The following FANCC variants were observed in gnomAD, a reference collection of about 807,000 sequenced individuals.
FANCC encodes the protein FA complementation group C.
Under a neutral mutation model 71.3 loss-of-function variants are expected in FANCC, and 55 were observed. The ratio of observed to expected loss-of-function variants is 0.77; its 90% CI spans 0.62 to 0.97. FANCC has a LOEUF of 0.97. FANCC is among the 50% of genes least tolerant of loss of function. The pLI is 0.00. For missense variants in FANCC, 678 were observed against 670.9 expected, an observed-to-expected ratio of 1.01 and a Z score of -0.12; for synonymous variants, 275 against 244.9, an observed-to-expected ratio of 1.12 and a Z score of -1.15.
intron 8 of FANCC, among the ~76,000 whole-genome samples, chr9:95,133,064 C>T (rs148697813): frequency 1.1e-3 from 161 of 152,352 alleles, no homozygotes; most frequent in African/African-American, 3.7e-3. Flanking sequence ...TTAGAGATCT[C>T]TCTGATACTT....
chr9:95,314,912 A>C (rs1041007811), intron 1 of FANCC, among the ~76,000 whole-genome samples: 4 of 152,180 alleles, frequency 2.6e-5, no homozygotes, highest in African/African-American at 7.2e-5. Flanking sequence ...AATTCCTACA[A>C]AGTCTATCAC....
chr9:95,106,303 T>C (rs1337264039), intron 14 of FANCC, among the ~76,000 whole-genome samples: 13 of 152,232 alleles, frequency 8.5e-5, no homozygotes, highest in Admixed American at 7.8e-4. Context: ...CATTTTTGAA[T>C]TGGGTTGTTT....
At chr9:95,299,262 T>C (rs554502471) in intron 1 of FANCC, among the ~76,000 whole-genome samples, 6 of 152,216 alleles carry the variant, frequency 3.9e-5, no homozygotes, top group East Asian at 3.8e-4. Context: ...ATAAGAAAAC[T>C]TGAAATTTTT....
At chr9:95,174,923 T>C (rs1320219317) in intron 4 of FANCC, among the ~76,000 whole-genome samples, 9 of 152,106 alleles carry the variant, frequency 5.9e-5, no homozygotes, top group Non-Finnish European at 2.9e-5. Context: ...TCATAAAGTA[T>C]CTCACACATC....
chr9:95,196,843 G>T (rs1305377304), intron 4 of FANCC, among the ~76,000 whole-genome samples: 1 of 152,192 alleles, frequency 6.6e-6, no homozygotes, highest in Non-Finnish European at 1.5e-5. Context: ...TCCTAGTCCT[G>T]TGATGCTCCA....
intron 7 of FANCC, among the ~76,000 whole-genome samples, chr9:95,140,719 T>C (rs1037388189): frequency 1.3e-5 from 2 of 152,192 alleles, no homozygotes; most frequent in African/African-American, 4.8e-5. Flanking sequence ...TTAACTGTTA[T>C]GGAGAATTGC....
chr9:95,313,230 G>C (rs1460325147), intron 1 of FANCC, among the ~76,000 whole-genome samples: 1 of 152,238 alleles, frequency 6.6e-6, no homozygotes, highest in African/African-American at 2.4e-5. Flanking sequence ...CAGGGAGCTA[G>C]CGCTGGCAAA....
chr9:95,118,360 C>T (rs953025572), intron 10 of FANCC, among the ~76,000 whole-genome samples: 3 of 152,240 alleles, frequency 2.0e-5, no homozygotes, highest in Non-Finnish European at 2.9e-5. Flanking sequence ...TAAAACTGTG[C>T]TCGCATTTCG....
intron 4 of FANCC, among the ~76,000 whole-genome samples, chr9:95,192,871 C>G (rs1588257619): frequency 6.6e-6 from 1 of 152,174 alleles, no homozygotes; most frequent in South Asian, 2.1e-4. Flanking sequence ...TGGGAACAGG[C>G]AGAATTTCAA....
intron 1 of FANCC, among the ~76,000 whole-genome samples, chr9:95,316,315 ATCAAT>A (rs1338840434): frequency 6.6e-6 from 1 of 152,276 alleles, no homozygotes; most frequent in African/African-American, 2.4e-5. Context: ...ACATTGAAAC[ATCAAT>A]TCAAGTTTAA....
At chr9:95,219,363 T>C (rs1438498980) in intron 4 of FANCC, among the ~76,000 whole-genome samples, 2 of 152,144 alleles carry the variant, frequency 1.3e-5, no homozygotes, top group Admixed American at 1.3e-4. Context: ...CCAAGGAAGA[T>C]GTATATGCCA....
Position 95,154,245 on chromosome 9 carries a change from CAAAAAAAA to C in FANCC, c.522-4166_522-4159del, listed in dbSNP as rs58720791. ...AGGGTGACAGAGCAAGACTCCGTCT[CAAAAAAAA>C]AAAAAAAAAAAAAAAAAATTGTAGT... On this transcript the variant is annotated intron_variant, in intron 6 of 14. Coordinates refer to ENST00000289081, the MANE Select transcript of FANCC (RefSeq NM_000136.3). 4.2e-3 allele frequency among the ~76,000 whole-genome samples: 210 copies of C among 49,956 alleles called. 1 individual carries two copies. Among genetic ancestry groups the C allele is most frequent in the African/African-American group, 0.015 (194 of 12,990 alleles). 32.8% of individuals were successfully genotyped at this position (49,956 alleles called of 152,430 possible).
At chr9:95,129,365 G>T (rs574120682) in intron 8 of FANCC, among the ~76,000 whole-genome samples, 16 of 152,280 alleles carry the variant, frequency 1.1e-4, no homozygotes, top group Non-Finnish European at 7.4e-5. Flanking sequence ...TTCTTATCAA[G>T]ATAATCTTCC....
intron 4 of FANCC, among the ~76,000 whole-genome samples, chr9:95,207,870 G>T (rs1251323706): frequency 6.6e-6 from 1 of 152,146 alleles, no homozygotes; most frequent in African/African-American, 2.4e-5. Context: ...GTGAGTGTGT[G>T]TGTACGTGTG....
At chr9:95,296,141 A>G (rs1834358919) in intron 1 of FANCC, among the ~76,000 whole-genome samples, 1 of 152,212 alleles carries the variant, frequency 6.6e-6, no homozygotes, top group South Asian at 2.1e-4. Context: ...TATATCAATC[A>G]TATCTCAATA....
intron 1 of FANCC, chr9:95,292,532 G>T: frequency 6.7e-7 from 1 of 1,492,970 alleles, no homozygotes; most frequent in African/African-American, 1.4e-5. Context: ...TGCTGGCGGG[G>T]GAGCTGATCC....
At chr9:95,294,660 C>T (rs1380285127) in intron 1 of FANCC, 1 of 1,589,388 alleles carries the variant, frequency 6.3e-7, no homozygotes, top group African/African-American at 1.3e-5. Flanking sequence ...GGTTTGAAAC[C>T]CTGGGGAGCT....
chr9:95,129,056 C>T (rs983570134), intron 8 of FANCC, among the ~76,000 whole-genome samples: 1 of 152,050 alleles, frequency 6.6e-6, no homozygotes, highest in Admixed American at 6.5e-5. Context: ...GCACGTGCCA[C>T]CACACCTGGC....
intron 1 of FANCC, among the ~76,000 whole-genome samples, chr9:95,306,273 A>G (rs1835064573): frequency 6.6e-6 from 1 of 152,162 alleles, no homozygotes; most frequent in African/African-American, 2.4e-5. Context: ...TGAAATTTGA[A>G]TTTTGTTTGG....
Sources: allele counts gnomAD v4.1 joint callset (sites outside exome capture counted in the v4.1 genomes callset), GRCh38; gene constraint gnomAD v4.1.1; transcripts MANE v1.5; gene names NCBI Gene and HGNC (gene_info 2026-07-23, HGNC 2026-07-21).